Variants in MACROD2 observed in about 807,000 individuals in gnomAD.
MACROD2 encodes the protein mono-ADP ribosylhydrolase 2, also known as ADP-ribose glycohydrolase MACROD2.
Under a neutral mutation model 70.4 loss-of-function variants are expected in MACROD2, and 36 were observed. That is an observed-to-expected ratio of 0.51 (90% confidence interval 0.39 to 0.68). The LOEUF is 0.68. Ranked by LOEUF, MACROD2 falls within the 30% of genes least tolerant of loss-of-function variation. MACROD2 has a pLI of 0.00. For synonymous variants in MACROD2, 172 were observed against 178.8 expected, an observed-to-expected ratio of 0.96 and a Z score of 0.30; for missense variants, 496 against 538.4, an observed-to-expected ratio of 0.92 and a Z score of 0.78.
intron 6 of MACROD2, among the ~76,000 whole-genome samples, chr20:15,375,016 T>G (rs1031786144): frequency 1.3e-5 from 2 of 152,236 alleles, no homozygotes; most frequent in African/African-American, 4.8e-5. Context: ...TGGGCCGGCA[T>G]TGGATGAGCT....
chr20:14,827,838 TATTA>T (rs1440094912), intron 5 of MACROD2, among the ~76,000 whole-genome samples: 3 of 152,106 alleles, frequency 2.0e-5, no homozygotes, highest in Non-Finnish European at 2.9e-5. Flanking sequence ...ATTTGACATT[TATTA>T]ATAAGAATTC....
intron 12 of MACROD2, among the ~76,000 whole-genome samples, chr20:15,940,792 T>C (rs1340662944): frequency 6.6e-6 from 1 of 152,178 alleles, no homozygotes; most frequent in Non-Finnish European, 1.5e-5. Flanking sequence ...TAGGTCATCT[T>C]AGAGAGACAA....
At chr20:15,788,979 A>T (rs928452340) in intron 8 of MACROD2, among the ~76,000 whole-genome samples, 4 of 152,186 alleles carry the variant, frequency 2.6e-5, no homozygotes, top group African/African-American at 4.8e-5. Flanking sequence ...TTAGAAAAGC[A>T]TTTTGCTTTG....
At chr20:14,661,763 A>G (rs1235921004) in intron 4 of MACROD2, among the ~76,000 whole-genome samples, 1 of 151,808 alleles carries the variant, frequency 6.6e-6, no homozygotes, top group Non-Finnish European at 1.5e-5. Context: ...TTATTAATAA[A>G]TGTATGAATT....
chr20:15,193,203 G>T (rs922694345), intron 5 of MACROD2, among the ~76,000 whole-genome samples: 4 of 151,968 alleles, frequency 2.6e-5, no homozygotes, highest in African/African-American at 7.3e-5. Context: ...TAAGTTTTCT[G>T]AGTCTATAGA....
intron 6 of MACROD2, among the ~76,000 whole-genome samples, chr20:15,391,033 A>T (rs2043690529): frequency 6.6e-6 from 1 of 152,196 alleles, no homozygotes; most frequent in Non-Finnish European, 1.5e-5. Context: ...TCATCAAAAC[A>T]GAGAAACAAC....
intron 7 of MACROD2, among the ~76,000 whole-genome samples, chr20:15,497,464 G>A (rs960072060): frequency 6.6e-6 from 1 of 152,124 alleles, no homozygotes; most frequent in South Asian, 2.1e-4. Flanking sequence ...GCTAAGTTTT[G>A]TATTTTTAGT....
chr20:16,010,217 G>A lies in MACROD2; in HGVS notation c.1153+23059G>A, dbSNP rs76172060. ...TGAGTGGGTCAGTTGGGCTAGTGGC[G>A]CATGTCCTGGTGCATGTGGGTTACC... On this transcript the variant is annotated intron_variant, in intron 15 of 17. Transcript: ENST00000684519. Among the ~76,000 whole-genome samples the A allele has an allele frequency of 6.1e-3, 923 of 152,262 alleles. 16 individuals are homozygous for A. Among genetic ancestry groups the A allele is most frequent in the East Asian group, 0.048 (249 of 5,176 alleles).
chr20:14,341,156 C>A (rs2122661769), intron 3 of MACROD2, among the ~76,000 whole-genome samples: 1 of 152,308 alleles, frequency 6.6e-6, no homozygotes, highest in East Asian at 1.9e-4. Flanking sequence ...TCATCATATA[C>A]ATATTTATTG....
chr20:14,914,544 A>T (rs1023523426), intron 5 of MACROD2, among the ~76,000 whole-genome samples: 1 of 152,196 alleles, frequency 6.6e-6, no homozygotes, highest in Non-Finnish European at 1.5e-5. Context: ...TTGACAAAAC[A>T]TTCTCTTACA....
intron 6 of MACROD2, among the ~76,000 whole-genome samples, chr20:15,427,447 A>G (rs1182274326): frequency 6.6e-6 from 1 of 152,220 alleles, no homozygotes; most frequent in Non-Finnish European, 1.5e-5. Context: ...AGGGAAGCGA[A>G]AGGGAGTTAG....
chr20:14,130,739 C>T (rs2054706472), intron 3 of MACROD2, among the ~76,000 whole-genome samples: 1 of 151,904 alleles, frequency 6.6e-6, no homozygotes, highest in African/African-American at 2.4e-5. Context: ...TTTTTTGGTG[C>T]TAAACAGAAG....
intron 8 of MACROD2, among the ~76,000 whole-genome samples, chr20:15,699,619 A>T (rs2050426745): frequency 6.6e-6 from 1 of 152,010 alleles, no homozygotes; most frequent in South Asian, 2.1e-4. Flanking sequence ...CACAGCCCCG[A>T]GTTTGTTTCC....
intron 5 of MACROD2, among the ~76,000 whole-genome samples, chr20:15,093,481 G>C (rs1157019786): frequency 1.3e-5 from 2 of 151,592 alleles, no homozygotes; most frequent in Non-Finnish European, 2.9e-5. Flanking sequence ...TCATTTTCTT[G>C]GCCTATGAAC....
intron 6 of MACROD2, among the ~76,000 whole-genome samples, chr20:15,260,642 T>C (rs1359736340): frequency 6.6e-6 from 1 of 151,872 alleles, no homozygotes; most frequent in African/African-American, 2.4e-5. Flanking sequence ...AGTGGGATTG[T>C]TGGGTCATAT....
chr20:14,653,217 T>C (rs1985774629), intron 4 of MACROD2, among the ~76,000 whole-genome samples: 1 of 94,322 alleles, frequency 1.1e-5, no homozygotes. Flanking sequence ...TGTACAGCAA[T>C]TTTTTTTTTT....
chr20:15,365,516 C>G (rs1479015888), intron 6 of MACROD2, among the ~76,000 whole-genome samples: 1 of 151,972 alleles, frequency 6.6e-6, no homozygotes, highest in Admixed American at 6.6e-5. Flanking sequence ...AGAAAATTAG[C>G]CGGGCATGGT....
intron 4 of MACROD2, among the ~76,000 whole-genome samples, chr20:14,617,318 G>A (rs1290767957): frequency 6.6e-6 from 1 of 151,986 alleles, no homozygotes; most frequent in African/African-American, 2.4e-5. Context: ...TCCTTTGTTG[G>A]TTAATGTTTA....
chr20:14,264,842 G>A (rs1264418859), intron 3 of MACROD2, among the ~76,000 whole-genome samples: 1 of 152,194 alleles, frequency 6.6e-6, no homozygotes. Flanking sequence ...GGCCAGTAGA[G>A]CTGTAGGAAG....
Sources: gnomAD v4.1 joint callset for allele counts (sites outside exome capture counted in the v4.1 genomes callset) on GRCh38, gnomAD v4.1.1 for gene constraint, MANE v1.5 for transcripts, NCBI Gene and HGNC (gene_info 2026-07-23, HGNC 2026-07-21) for gene names.